The following SLCO3A1 variants were observed in gnomAD, a reference collection of about 807,000 sequenced individuals.
SLCO3A1 encodes the protein solute carrier organic anion transporter family member 3A1.
SLCO3A1 carries 27 observed loss-of-function variants against 63.1 expected under a neutral mutation model. The ratio of observed to expected loss-of-function variants is 0.43; its 90% CI spans 0.32 to 0.59. SLCO3A1 has a LOEUF of 0.59. SLCO3A1 is among the 20% of genes least tolerant of loss of function. The probability of loss-of-function intolerance (pLI) is 0.09; values close to 1 mark genes in which losing one functional copy is unlikely to be tolerated. For missense variants in SLCO3A1, 773 were observed against 945.8 expected, an observed-to-expected ratio of 0.82 and a Z score of 2.40; for synonymous variants, 473 against 409.9, an observed-to-expected ratio of 1.15 and a Z score of -1.86.
At chr15:92,004,144 A>C (rs1273222126) in intron 2 of SLCO3A1, among the ~76,000 whole-genome samples, 2 of 152,146 alleles carry the variant, frequency 1.3e-5, no homozygotes, top group Admixed American at 6.5e-5. Context: ...CAGCTTTAAC[A>C]TGCTCCAGTC....
chr15:92,018,289 T>C (rs1446421037), intron 2 of SLCO3A1, among the ~76,000 whole-genome samples: 1 of 152,206 alleles, frequency 6.6e-6, no homozygotes, highest in South Asian at 2.1e-4. Context: ...GAGGGGCTGC[T>C]GTCAGCACCA....
At chr15:91,906,396 G>A (rs1324921114) in intron 1 of SLCO3A1, among the ~76,000 whole-genome samples, 1 of 152,314 alleles carries the variant, frequency 6.6e-6, no homozygotes, top group East Asian at 1.9e-4. Context: ...CTGTGAGCTG[G>A]TTGAGGGCAG....
chr15:92,111,171 C>T (rs2047724512), intron 4 of SLCO3A1, among the ~76,000 whole-genome samples: 1 of 152,148 alleles, frequency 6.6e-6, no homozygotes, highest in Non-Finnish European at 1.5e-5. Context: ...CAGCTCATGC[C>T]TCTCCACATG....
At chr15:92,141,143 C>T (rs556224535) in intron 7 of SLCO3A1, among the ~76,000 whole-genome samples, 180 of 152,210 alleles carry the variant, frequency 1.2e-3, no homozygotes, top group Non-Finnish European at 1.9e-3. Flanking sequence ...AAAGCTAGAT[C>T]CCGCCACCCC....
At chr15:92,051,189 G>A (rs910761374) in intron 2 of SLCO3A1, among the ~76,000 whole-genome samples, 12 of 152,216 alleles carry the variant, frequency 7.9e-5, no homozygotes, top group African/African-American at 1.9e-4. Context: ...CCACAGTGAG[G>A]TGAAGGCTTC....
intron 9 of SLCO3A1, chr15:92,162,160 A>AGAT (rs998292946): frequency 3.6e-5 from 2 of 55,254 alleles, no homozygotes; most frequent in Non-Finnish European, 6.8e-5. Flanking sequence ...TTTTTTTTTG[A>AGAT]GATGGAGTCT....
intron 1 of SLCO3A1, among the ~76,000 whole-genome samples, chr15:91,858,382 A>AT (rs59237457): frequency 0.12 from 17,520 of 150,652 alleles, 1,481 homozygotes; most frequent in East Asian, 0.35. Context: ...AATTACCTTG[A>AT]TTTTTTTTTT....
At chr15:92,145,374 AAGTG>A (rs1402282865) in intron 7 of SLCO3A1, among the ~76,000 whole-genome samples, 1 of 152,096 alleles carries the variant, frequency 6.6e-6, no homozygotes, top group Non-Finnish European at 1.5e-5. Flanking sequence ...TTCCTAATAA[AAGTG>A]AGGAAGGTTC....
In SLCO3A1 at chr15:91,912,777, C is replaced by T. The variant is rs1045177193; in HGVS notation, c.181-3216C>T. Reference sequence around the variant, plus strand: ...TACCAGACTGCTTCAGCCACCTCTCCGGGGGTGACTTTCTAGGGGACCCCA... The same window carrying T: ...TACCAGACTGCTTCAGCCACCTCTCTGGGGGTGACTTTCTAGGGGACCCCA... On this transcript the variant is annotated intron_variant, in intron 1 of 9. Transcript: ENST00000318445. This position sits in a 1 kb window ranked among gnomAD's most constrained non-coding sequence, Gnocchi z 5.0. 2.0e-5 allele frequency among the ~76,000 whole-genome samples: 3 copies of T among 152,252 alleles called. No individual in the cohort carries two copies. Among genetic ancestry groups the T allele is most frequent in the East Asian group, 1.9e-4 (1 of 5,166 alleles).
At chr15:92,126,694 G>T (rs2151566705) in intron 6 of SLCO3A1, among the ~76,000 whole-genome samples, 1 of 152,286 alleles carries the variant, frequency 6.6e-6, no homozygotes. Flanking sequence ...GTTCTTAAGT[G>T]TAGCGAGGGA....
Position 91,856,373 on chromosome 15 carries a change from C to G in SLCO3A1, c.180+2285C>G, listed in dbSNP as rs1206790447. On this transcript the variant is annotated intron_variant, in intron 1 of 9. Transcript: ENST00000318445. This position sits in a 1 kb window ranked among gnomAD's most constrained non-coding sequence, Gnocchi z 4.9. ...TTTGCCCGGCTGCCCTCGTCTTTGC[C>G]TTGCCATCGGAGCCTCATGAAAATA... is the stretch of plus-strand genomic sequence containing the variant. Among the ~76,000 whole-genome samples the G allele has an allele frequency of 6.6e-6, 1 of 152,166 alleles. No individual in the cohort carries two copies. Among genetic ancestry groups the G allele is most frequent in the Non-Finnish European group, 1.5e-5 (1 of 68,026 alleles).
chr15:91,937,444 G>A lies in SLCO3A1; in HGVS notation c.646+20986G>A, dbSNP rs547746075. 5.3e-5 allele frequency among the ~76,000 whole-genome samples: 8 copies of A among 152,250 alleles called. No individual in the cohort carries two copies. The East Asian group carries it at 1.4e-3, about 26-fold the overall frequency. On this transcript the variant is annotated intron_variant, in intron 2 of 9. Coordinates refer to ENST00000318445, the MANE Select transcript of SLCO3A1 (RefSeq NM_013272.4). Reference sequence around the variant, plus strand: ...ATTTTAAAAAGTGGGAGTGGGCCAGGCATGGTGGCTCACACCTGTAATCCC... The same window carrying A: ...ATTTTAAAAAGTGGGAGTGGGCCAGACATGGTGGCTCACACCTGTAATCCC...
intron 2 of SLCO3A1, among the ~76,000 whole-genome samples, chr15:92,045,181 G>A (rs1213390226): frequency 6.6e-6 from 1 of 151,482 alleles, no homozygotes; most frequent in African/African-American, 2.4e-5. Flanking sequence ...TCGGGAGGCT[G>A]AGGCAGGAAA....
chr15:91,892,232 C>A (rs1359393841), intron 1 of SLCO3A1, among the ~76,000 whole-genome samples: 4 of 152,176 alleles, frequency 2.6e-5, no homozygotes, highest in Admixed American at 2.6e-4. Flanking sequence ...TTGAATTGAA[C>A]CTGGTAGATC....
intron 2 of SLCO3A1, among the ~76,000 whole-genome samples, chr15:92,079,258 A>C (rs1293461106): frequency 1.3e-5 from 2 of 152,002 alleles, no homozygotes; most frequent in East Asian, 3.9e-4. Context: ...GCTTCCAAGT[A>C]CCCTCTCAAG....
At position 91,916,253 on chromosome 15, in the gene SLCO3A1, C is replaced by G. The variant is rs2151379811; in HGVS notation, c.441C>G (p.Arg147=). Residue 147 remains arginine (R), a synonymous_variant, in exon 2 of 10, where the codon CGC becomes CGG. Transcript: ENST00000318445. The surrounding 1 kb of genome is among the most constrained non-coding windows in gnomAD (Gnocchi z 6.2). ...AGATCCGCTGGGGCGCCGAGGGCCG[C>G]GACGTCTGCGCAGCCAACGGCTCGG... The part of the protein sequence containing the change: ...AGEIRWGAEG[R]DVCAANGSGG... 6.4e-7 allele frequency: 1 copy of G among 1,566,272 alleles called. No individual in the cohort carries two copies. Among genetic ancestry groups the G allele is most frequent in the East Asian group, 2.4e-5 (1 of 41,986 alleles).
At chr15:92,027,198 G>T (rs2046585669) in intron 2 of SLCO3A1, among the ~76,000 whole-genome samples, 1 of 152,132 alleles carries the variant, frequency 6.6e-6, no homozygotes, top group Admixed American at 6.5e-5. Context: ...GCCAAATAAT[G>T]CATTACATTT....
chr15:91,916,295 C>G lies in SLCO3A1; in HGVS notation c.483C>G (p.Pro161=), dbSNP rs755280875. The change falls in exon 2 of 10, where the codon CCC becomes CCG. Residue 161 remains proline (P), a synonymous_variant. Coordinates refer to ENST00000318445, the MANE Select transcript of SLCO3A1 (RefSeq NM_013272.4). The surrounding 1 kb of genome is among the most constrained non-coding windows in gnomAD (Gnocchi z 6.2). ...AANGSGGDEG[P]DPDLICRNRT... is the part of the protein sequence containing the mutation. ...ACGGCTCGGGCGGCGACGAGGGGCC[C>G]GACCCCGACCTCATCTGCCGCAACC... The G allele has an allele frequency of 1.9e-6, 3 of 1,559,696 alleles. No individual in the cohort carries two copies. Among genetic ancestry groups the G allele is most frequent in the Admixed American group, 1.9e-5 (1 of 51,720 alleles).
At position 92,138,134 on chromosome 15, in the gene SLCO3A1, C is replaced by G. The variant is rs1329861250; in HGVS notation, c.1513-8850C>G. 1.7e-5 allele frequency among the ~76,000 whole-genome samples: 2 copies of G among 117,096 alleles called. 1 individual carries two copies. Among genetic ancestry groups the G allele is most frequent in the Non-Finnish European group, 3.3e-5 (2 of 59,980 alleles). The allele number at this position is 117,096 out of a possible 152,430, so 76.8% of individuals were successfully genotyped here. ...TCTAATGTTTAAGTCTTTAATCCAT[C>G]TTGAATTGATTTTTGTGTAAGGTGT... On this transcript the variant is annotated intron_variant, in intron 7 of 9. Coordinates refer to ENST00000318445, the MANE Select transcript of SLCO3A1 (RefSeq NM_013272.4).
Sources: gnomAD v4.1 joint callset for allele counts (sites outside exome capture counted in the v4.1 genomes callset) on GRCh38, gnomAD v4.1.1 for gene constraint, Gnocchi (gnomAD v3.1) non-coding constraint, MANE v1.5 for transcripts, NCBI Gene and HGNC (gene_info 2026-07-23, HGNC 2026-07-21) for gene names.